The following PLEKHB1 variants were observed in gnomAD, a reference collection of about 807,000 sequenced individuals.
PLEKHB1 encodes pleckstrin homology domain-containing family B member 1.
PLEKHB1 carries 29 observed loss-of-function variants against 36.2 expected under a neutral mutation model. That is an observed-to-expected ratio of 0.80 (90% CI 0.60 to 1.09). PLEKHB1 has a LOEUF of 1.09. Among genes scored for constraint, PLEKHB1 ranks in the 50% least tolerant of loss-of-function variants. The probability of loss-of-function intolerance (pLI) is 0.00; values close to 1 mark genes in which losing one functional copy is unlikely to be tolerated. For missense variants in PLEKHB1, 330 were observed against 348.2 expected, an observed-to-expected ratio of 0.95 and a Z score of 0.42; for synonymous variants, 138 against 140.0, an observed-to-expected ratio of 0.99 and a Z score of 0.10.
intron 2 of PLEKHB1, 126 bp from the exon 3 acceptor site, chr11:73,650,427 T>C (rs1274566989): frequency 1.9e-6 from 2 of 1,052,250 alleles, no homozygotes; most frequent in Non-Finnish European, 1.3e-6. Context: ...TTTCAGGGGG[T>C]AGACAAGAAA....
Position 73,657,633 on chromosome 11 carries a change from C to T in PLEKHB1, c.495+1726C>T, listed in dbSNP as rs906105724. ...CGTGGAGAGTAAAAACAGGTGCCCT[C>T]GAGGGATATGGGGTGCTCCACCCTC... is the stretch of plus-strand genomic sequence containing the variant. On this transcript the variant is annotated intron_variant, in intron 6 of 7. Transcript: ENST00000354190. Among the ~76,000 whole-genome samples, 7 of 152,238 alleles carry T rather than the reference C, an allele frequency of 4.6e-5. No individual in the cohort carries two copies. The East Asian group carries it at 5.8e-4, about 13-fold the overall frequency.
chr11:73,647,673 G>C (rs1183515843), intron 1 of PLEKHB1: 1 of 985,404 alleles, frequency 1.0e-6, no homozygotes, highest in Non-Finnish European at 1.2e-6. Flanking sequence ...GGCGCAGCGG[G>C]TTGGGTGGCA....
intron 3 of PLEKHB1, 25 bp downstream of exon 3, chr11:73,650,730 G>A (rs1436198364): frequency 1.3e-6 from 2 of 1,576,486 alleles, no homozygotes; most frequent in Non-Finnish European, 1.7e-6. Flanking sequence ...CTTCCTCTGT[G>A]GCACCGTGAC....
rs144857380 is a variant in PLEKHB1 at position 73,656,675 on chromosome 11, G to A, written c.495+768G>A. On this transcript the variant is annotated intron_variant, in intron 6 of 7. Coordinates refer to ENST00000354190, the MANE Select transcript of PLEKHB1 (RefSeq NM_021200.3). ...CTGGCATGGGGTGGGTGGCAGGAGG[G>A]GGCTTGAGTGAGAGTACCTGTGATC... 7.1e-3 allele frequency among the ~76,000 whole-genome samples: 1,081 copies of A among 152,262 alleles called. 9 individuals are homozygous for A. The highest frequency in any genetic ancestry group is 0.017 in the Middle Eastern group (5 of 294).
chr11:73,648,995 C>T lies in PLEKHB1; in HGVS notation c.19-17C>T, dbSNP rs372832415. ...AGCTGCTGCTGAGGCCTGTGTCTCC[C>T]GTGGCTCCTCTGACAGGTCCCGCCT... On this transcript the variant is annotated splice_polypyrimidine_tract_variant and intron_variant, in intron 1 of 7. Transcript: ENST00000354190. The T allele has an allele frequency of 3.1e-5, 49 of 1,579,332 alleles. No individual in the cohort carries two copies. The Middle Eastern group carries it at 5.0e-4, about 16-fold the overall frequency.
At chr11:73,651,294 T>A in intron 3 of PLEKHB1, 2 of 383,328 alleles carry the variant, frequency 5.2e-6, no homozygotes, top group Non-Finnish European at 1.0e-5. Flanking sequence ...GAGGCAGAGG[T>A]TGCAGTGAGT....
chr11:73,652,046 G>C, intron 4 of PLEKHB1, 156 bp downstream of exon 4: 1 of 645,288 alleles, frequency 1.5e-6, no homozygotes, highest in Non-Finnish European at 2.7e-6. Context: ...TGGATTTGAA[G>C]GGCTTGTGGT....
intron 4 of PLEKHB1, 192 bp from the exon 5 acceptor site, chr11:73,652,783 A>G: frequency 1.8e-6 from 1 of 541,950 alleles, no homozygotes; most frequent in East Asian, 2.9e-5. Context: ...AATTAGCCTA[A>G]CTTAGTGCTC....
At chr11:73,656,099 A>C (rs1303001442) in intron 6 of PLEKHB1, among the ~76,000 whole-genome samples, 192 bp downstream of exon 6, 2 of 152,126 alleles carry the variant, frequency 1.3e-5, no homozygotes, top group Non-Finnish European at 2.9e-5. Context: ...CAGCCTTCGC[A>C]CATGCTGTTC....
chr11:73,648,116 C>T (rs1944806495), intron 1 of PLEKHB1: 1 of 324,362 alleles, frequency 3.1e-6, no homozygotes, highest in South Asian at 1.2e-4. Flanking sequence ...CGGTGACGTC[C>T]AAACTTAGCT....
At chr11:73,660,612 C>A in intron 6 of PLEKHB1, 141 bp from the exon 7 acceptor site, 1 of 737,574 alleles carries the variant, frequency 1.4e-6, no homozygotes, top group Non-Finnish European at 2.3e-6. Flanking sequence ...TCTCCAAGAG[C>A]TTGCTAGTGG....
intron 5 of PLEKHB1, chr11:73,653,462 G>A (rs560410620): frequency 4.8e-5 from 22 of 462,884 alleles, no homozygotes; most frequent in Middle Eastern, 3.2e-4. Context: ...GGGATCAGAG[G>A]TGAACCAAGG....
rs762530044 is a variant in PLEKHB1 at position 73,662,330 on chromosome 11, TGAGTC to T, written c.*729_*733del. ...CACATGTCCATACCTAAAACACTCCTGAGTCAAGTCCCATCCTTCCCACAAACAGC... is the reference window on the plus strand; with the variant it reads ...CACATGTCCATACCTAAAACACTCCTAAGTCCCATCCTTCCCACAAACAGC... On this transcript the variant is annotated 3_prime_UTR_variant, in exon 8 of 8. Coordinates refer to ENST00000354190, the MANE Select transcript of PLEKHB1 (RefSeq NM_021200.3). The T allele has an allele frequency of 6.6e-6, 1 of 152,224 alleles. No individual in the cohort carries two copies. The highest frequency in any genetic ancestry group is 1.5e-5 in the Non-Finnish European group (1 of 68,068). 9.4% of individuals were successfully genotyped at this position (152,224 alleles called of 1,614,324 possible).
chr11:73,655,770 C>T (rs763818929), intron 5 of PLEKHB1, 33 bp from the exon 6 acceptor site: 3 of 1,598,466 alleles, frequency 1.9e-6, no homozygotes, highest in African/African-American at 2.7e-5. Context: ...CCCTCCCTCC[C>T]TCCTCCTTCT....
At chr11:73,648,697 C>T (rs141371201) in intron 1 of PLEKHB1, 1 of 1,084,368 alleles carries the variant, frequency 9.2e-7, no homozygotes, top group African/African-American at 1.7e-5. Flanking sequence ...CACACTTCTA[C>T]AGATCTAGAA....
chr11:73,660,976 A>C (rs1317273547), intron 7 of PLEKHB1, 124 bp downstream of exon 7: 1 of 891,650 alleles, frequency 1.1e-6, no homozygotes, highest in Non-Finnish European at 1.7e-6. Context: ...TTTCCCAGGC[A>C]GAACTCTCCG....
intron 6 of PLEKHB1, among the ~76,000 whole-genome samples, chr11:73,657,297 C>A (rs1412852797): frequency 6.6e-6 from 1 of 152,198 alleles, no homozygotes; most frequent in Admixed American, 6.5e-5. Flanking sequence ...TCATCAATGG[C>A]AGGTCTGGGA....
chr11:73,647,469 C>A (rs1197994978), intron 1 of PLEKHB1: 2 of 672,932 alleles, frequency 3.0e-6, no homozygotes, highest in Non-Finnish European at 3.7e-6. Flanking sequence ...AGTAAAATTG[C>A]AGGCGGGGCT....
chr11:73,651,289 A>AGAGGTTGCAGTGAG (rs1222838321), intron 3 of PLEKHB1: 6 of 382,848 alleles, frequency 1.6e-5, no homozygotes, highest in Non-Finnish European at 3.1e-5. Flanking sequence ...CCTGGGAGGC[A>AGAGGTTGCAGTGAG]GAGGTTGCAG....
Sources: allele counts gnomAD v4.1 joint callset (sites outside exome capture counted in the v4.1 genomes callset), GRCh38; gene constraint gnomAD v4.1.1; transcripts MANE v1.5; gene names NCBI Gene and HGNC (gene_info 2026-07-23, HGNC 2026-07-21).